The following CYTH1 variants were observed in gnomAD, a reference collection of about 807,000 sequenced individuals.
CYTH1 encodes the protein cytohesin 1.
A neutral mutation model predicts 61.8 loss-of-function variants in CYTH1; 18 were observed. The ratio of observed to expected loss-of-function variants is 0.29; its 90% CI spans 0.20 to 0.43. The LOEUF (loss-of-function observed/expected upper bound fraction) is 0.43, where lower values mean the gene tolerates loss of function less well. CYTH1 is among the 20% of genes least tolerant of loss of function. The pLI is 1.00. For synonymous variants in CYTH1, 174 were observed against 184.3 expected, an observed-to-expected ratio of 0.94 and a Z score of 0.45; for missense variants, 336 against 510.5, an observed-to-expected ratio of 0.66 and a Z score of 3.29.
intron 11 of CYTH1, among the ~76,000 whole-genome samples, chr17:78,684,330 C>T (rs1319053317): frequency 6.6e-6 from 1 of 152,202 alleles, no homozygotes; most frequent in East Asian, 1.9e-4. Flanking sequence ...ATGGAAACAA[C>T]TAAACGTTAA....
intron 1 of CYTH1, among the ~76,000 whole-genome samples, chr17:78,767,035 C>T (rs1484159868): frequency 6.6e-6 from 1 of 152,142 alleles, no homozygotes; most frequent in South Asian, 2.1e-4. Flanking sequence ...TGAGAACTTA[C>T]GAAAAATGTT....
At chr17:78,745,240 A>G (rs2093355349) in intron 1 of CYTH1, among the ~76,000 whole-genome samples, 1 of 152,162 alleles carries the variant, frequency 6.6e-6, no homozygotes, top group African/African-American at 2.4e-5. Flanking sequence ...GCAAAAGAAC[A>G]GTGCCCCTTC....
At chr17:78,758,470 C>CGAG (rs2093410524) in intron 1 of CYTH1, among the ~76,000 whole-genome samples, 1 of 151,986 alleles carries the variant, frequency 6.6e-6, no homozygotes, top group African/African-American at 2.4e-5. Flanking sequence ...TTTGGGAGGC[C>CGAG]GAGGCAGGCA....
At chr17:78,691,703 A>C (rs2092888330) in intron 11 of CYTH1, 1 of 152,212 alleles carries the variant, frequency 6.6e-6, no homozygotes, top group Non-Finnish European at 1.5e-5. Context: ...CCCCATCACC[A>C]GTCCGGTGAG....
intron 1 of CYTH1, among the ~76,000 whole-genome samples, chr17:78,718,188 T>C (rs2144511533): frequency 6.8e-6 from 1 of 147,176 alleles, no homozygotes; most frequent in Admixed American, 6.8e-5. Context: ...CACACCCCTT[T>C]ACAGACCTGG....
chr17:78,706,119 T>C (rs1385104488), intron 3 of CYTH1, among the ~76,000 whole-genome samples: 1 of 152,242 alleles, frequency 6.6e-6, no homozygotes, highest in Non-Finnish European at 1.5e-5. Flanking sequence ...AAAGCCATTT[T>C]TTTTTACATT....
chr17:78,698,731 G>T, intron 8 of CYTH1, 89 bp downstream of exon 8: 2 of 1,393,980 alleles, frequency 1.4e-6, no homozygotes, highest in Non-Finnish European at 9.5e-7. Flanking sequence ...TTGATAAATT[G>T]TATGTTTTTT....
At chr17:78,710,912 C>G (rs746325268) in intron 1 of CYTH1, among the ~76,000 whole-genome samples, 1 of 152,104 alleles carries the variant, frequency 6.6e-6, no homozygotes, top group Non-Finnish European at 1.5e-5. Context: ...AGGAGCCCCA[C>G]GTGACATTAA....
chr17:78,770,148 C>CAA (rs766248056), intron 1 of CYTH1, among the ~76,000 whole-genome samples: 3 of 131,564 alleles, frequency 2.3e-5, no homozygotes, highest in Non-Finnish European at 4.9e-5. Flanking sequence ...GACTTCGTCT[C>CAA]AAAAAAAAAA....
rs1029203844 is a variant in CYTH1, at chr17:78,700,517, A to G, written c.438-74T>C. On this transcript the variant is annotated intron_variant, in intron 6 of 13. Coordinates refer to ENST00000446868, the MANE Select transcript of CYTH1 (RefSeq NM_004762.6). This position sits in a 1 kb window ranked among gnomAD's most constrained non-coding sequence, Gnocchi z 5.1. ...TTCTCTATGAATTGTTAAACTGCCA[A>G]TGATTTTTTTTTTCTTTTTTTTTTT... 2.3e-5 allele frequency: 28 copies of G among 1,203,768 alleles called. 1 individual carries two copies. In the Middle Eastern group the frequency reaches 5.8e-4, roughly 25 times the overall value. The allele number at this position is 1,203,768 out of a possible 1,614,324, so 74.6% of individuals were successfully genotyped here.
intron 11 of CYTH1, among the ~76,000 whole-genome samples, chr17:78,690,827 T>C (rs893188216): frequency 6.6e-6 from 1 of 152,204 alleles, no homozygotes; most frequent in African/African-American, 2.4e-5. Flanking sequence ...AACCACAAGA[T>C]TCTAGAATCT....
At chr17:78,702,101 G>C (rs772644000) in intron 5 of CYTH1, 21 bp downstream of exon 5, 1 of 1,555,524 alleles carries the variant, frequency 6.4e-7, no homozygotes, top group South Asian at 1.1e-5. Flanking sequence ...CCTAGCATGC[G>C]CATAATCCCC....
At chr17:78,778,430 G>C (rs1005462994) in intron 1 of CYTH1, among the ~76,000 whole-genome samples, 12 of 151,596 alleles carry the variant, frequency 7.9e-5, no homozygotes, top group African/African-American at 2.9e-4. Context: ...TTGAGGTCAG[G>C]AGTTTAAGAC....
rs988285076 is a variant in CYTH1, at chr17:78,771,899, T to C, written c.22+10303A>G. Among the ~76,000 whole-genome samples the C allele has an allele frequency of 5.9e-5, 9 of 152,222 alleles. 1 individual carries two copies. The highest frequency in any genetic ancestry group is 3.4e-3 in the Middle Eastern group (1 of 294). ...TACAATGTCACGCTATCCTGGATAATGAGGAGTCATAGAAATCCCCTACAT... is the reference window on the plus strand; with the variant it reads ...TACAATGTCACGCTATCCTGGATAACGAGGAGTCATAGAAATCCCCTACAT... On this transcript the variant is annotated intron_variant, in intron 1 of 13. Coordinates refer to ENST00000446868, the MANE Select transcript of CYTH1 (RefSeq NM_004762.6).
At chr17:78,685,812 G>A (rs963233734) in intron 11 of CYTH1, among the ~76,000 whole-genome samples, 3 of 151,934 alleles carry the variant, frequency 2.0e-5, no homozygotes, top group African/African-American at 7.2e-5. Flanking sequence ...AAACAATAAC[G>A]TGGCTGGATA....
At chr17:78,754,297 G>A (rs552419749) in intron 1 of CYTH1, among the ~76,000 whole-genome samples, 22 of 152,050 alleles carry the variant, frequency 1.4e-4, no homozygotes, top group Non-Finnish European at 2.6e-4. Flanking sequence ...TAGTTTTTAC[G>A]TGACTTTCCC....
intron 11 of CYTH1, among the ~76,000 whole-genome samples, chr17:78,687,133 TAATGA>T (rs1326312781): frequency 6.6e-6 from 1 of 152,116 alleles, no homozygotes; most frequent in Non-Finnish European, 1.5e-5. Context: ...CTGTAATATA[TAATGA>T]AATAATTATA....
Position 78,772,600 on chromosome 17 carries a change from C to T in CYTH1, c.22+9602G>A, listed in dbSNP as rs534774244. On this transcript the variant is annotated intron_variant, in intron 1 of 13. Transcript: ENST00000446868. ...GTCGCCAGGCTGGAGTGCAGTGGCG[C>T]GATCTCGGCTCACTGCAACCTCCGC... Among the ~76,000 whole-genome samples the T allele has an allele frequency of 2.0e-5, 3 of 152,248 alleles. No homozygotes were observed. The South Asian group carries it at 6.2e-4, about 32-fold the overall frequency.
In CYTH1 at chr17:78,769,051, C is replaced by T. The variant is rs542658209; in HGVS notation, c.22+13151G>A. Among the ~76,000 whole-genome samples the T allele has an allele frequency of 1.4e-4, 21 of 151,824 alleles. No individual in the cohort carries two copies. In the South Asian group the frequency reaches 3.5e-3, roughly 26 times the overall value. ...ATCACAGCTACTCAGGAGGCTGAGG[C>T]ACGAGAATCACTTGAACCCAGGAGG... On this transcript the variant is annotated intron_variant, in intron 1 of 13. Coordinates refer to ENST00000446868, the MANE Select transcript of CYTH1 (RefSeq NM_004762.6).
Sources: gnomAD v4.1 joint callset for allele counts (sites outside exome capture counted in the v4.1 genomes callset) on GRCh38, gnomAD v4.1.1 for gene constraint, Gnocchi (gnomAD v3.1) non-coding constraint, MANE v1.5 for transcripts, NCBI Gene and HGNC (gene_info 2026-07-23, HGNC 2026-07-21) for gene names.